MYO3B: variants seen among roughly 807,000 people sequenced by gnomAD.
MYO3B encodes the protein myosin-IIIb.
MYO3B carries 156 observed loss-of-function variants against 174.6 expected under a neutral mutation model. The observed-to-expected ratio is 0.89, with a 90% CI of 0.78 to 1.02. The LOEUF (loss-of-function observed/expected upper bound fraction) is 1.02. Ranked by LOEUF, MYO3B falls within the 50% of genes least tolerant of loss-of-function variation. The probability of loss-of-function intolerance (pLI) is 0.00; values close to 1 mark genes in which losing one functional copy is unlikely to be tolerated. For synonymous variants in MYO3B, 563 were observed against 569.1 expected (o/e 0.99, Z 0.15); for missense variants, 1,632 against 1,639.4 (o/e 1.00, Z 0.08).
intron 14 of MYO3B, among the ~76,000 whole-genome samples, chr2:170,388,524 A>G (rs1486456222): frequency 1.3e-5 from 2 of 152,130 alleles, no homozygotes; most frequent in Non-Finnish European, 2.9e-5. Flanking sequence ...GAACCAGGAT[A>G]AGGATCTCAA....
At chr2:170,460,487 C>CAAAAA (rs36000141) in intron 23 of MYO3B, among the ~76,000 whole-genome samples, 7,964 of 73,460 alleles carry the variant, frequency 0.11, 1,108 homozygotes, top group African/African-American at 0.18. Context: ...GACTCCGTCT[C>CAAAAA]AAAAAAAAAA....
rs1168552938 is a variant in MYO3B at position 170,641,872 on chromosome 2, GA to G, written c.3734-9755del. Among the ~76,000 whole-genome samples the G allele has an allele frequency of 9.5e-3, 501 of 52,724 alleles. 4 individuals are homozygous for G. Among genetic ancestry groups the G allele is most frequent in the African/African-American group, 0.033 (173 of 5,268 alleles). The allele number at this position is 52,724 out of a possible 152,430, so 34.6% of individuals were successfully genotyped here. On this transcript the variant is annotated intron_variant, in intron 32 of 34. Transcript: ENST00000408978. ...TTATTGTTAAGTGGGGGGGGGGGGG[GA>G]GGGGCGGGGAGCCATAACCCAAATT...
In MYO3B at chr2:170,573,143, C is replaced by A. The variant is rs550471899; in HGVS notation, c.3733+29155C>A. Among the ~76,000 whole-genome samples, 47 of 148,310 alleles carry A rather than the reference C, an allele frequency of 3.2e-4. 1 individual carries two copies. The highest frequency in any genetic ancestry group is 5.9e-4 in the Non-Finnish European group (40 of 67,680). On this transcript the variant is annotated intron_variant, in intron 32 of 34. Coordinates refer to ENST00000408978, the MANE Select transcript of MYO3B (RefSeq NM_138995.5). ...TGTTATTCTAGAAATTGGACTGCTT[C>A]TAGGGGATACTATATATATATATAC...
intron 28 of MYO3B, among the ~76,000 whole-genome samples, chr2:170,513,703 T>A (rs1688120144): frequency 6.6e-6 from 1 of 152,190 alleles, no homozygotes; most frequent in Admixed American, 6.5e-5. Flanking sequence ...TCTTACTTTC[T>A]GTATTCGAAT....
intron 28 of MYO3B, among the ~76,000 whole-genome samples, chr2:170,513,273 CA>C (rs1360871722): frequency 2.0e-5 from 3 of 152,196 alleles, no homozygotes; most frequent in African/African-American, 7.2e-5. Flanking sequence ...CTTATTCTGT[CA>C]CAGTTCTAGA....
At chr2:170,535,069 T>C (rs1689599681) in intron 30 of MYO3B, among the ~76,000 whole-genome samples, 1 of 152,212 alleles carries the variant, frequency 6.6e-6, no homozygotes, top group African/African-American at 2.4e-5. Flanking sequence ...ACTTTCCTCT[T>C]TGGCACTTAC....
chr2:170,650,011 G>A (rs1453052620), intron 32 of MYO3B: 1 of 139,430 alleles, frequency 7.2e-6, no homozygotes, highest in Non-Finnish European at 1.5e-5. Flanking sequence ...ATGGATGGAT[G>A]TGATAGTCTT....
At chr2:170,375,445 G>C (rs2094284628) in intron 9 of MYO3B, among the ~76,000 whole-genome samples, 1 of 151,764 alleles carries the variant, frequency 6.6e-6, no homozygotes, top group Non-Finnish European at 1.5e-5. Flanking sequence ...TGAAACCACA[G>C]ATGTTAAACC....
intron 22 of MYO3B, among the ~76,000 whole-genome samples, chr2:170,426,304 A>C (rs1170652457): frequency 6.7e-6 from 1 of 149,890 alleles, no homozygotes; most frequent in East Asian, 2.0e-4. Flanking sequence ...GTGCCACTGC[A>C]CTCTAGCCTG....
intron 25 of MYO3B, among the ~76,000 whole-genome samples, chr2:170,489,197 T>G (rs1686269435): frequency 6.6e-6 from 1 of 152,228 alleles, no homozygotes; most frequent in Non-Finnish European, 1.5e-5. Flanking sequence ...CTCTCTGGCT[T>G]TCTCCTCTGT....
At chr2:170,426,428 T>TG (rs1026264497) in intron 22 of MYO3B, among the ~76,000 whole-genome samples, 1 of 150,110 alleles carries the variant, frequency 6.7e-6, no homozygotes, top group African/African-American at 2.4e-5. Flanking sequence ...CTCTGCCTCC[T>TG]GGGTTCACGC....
Position 170,343,030 on chromosome 2 carries a change from AACACACACACACAC to A in MYO3B, c.815+7615_815+7628del, listed in dbSNP as rs56221872. On this transcript the variant is annotated intron_variant, in intron 8 of 34. Transcript: ENST00000408978. ...ACTTACTTCCACAGTTCGGGCCTCT[AACACACACACACAC>A]ACACACACACACACACACACACACA... 4.4e-3 allele frequency among the ~76,000 whole-genome samples: 603 copies of A among 136,010 alleles called. 7 individuals carry two copies. The highest frequency in any genetic ancestry group is 0.015 in the African/African-American group (549 of 35,804). The allele number at this position is 136,010 out of a possible 152,430, so 89.2% of individuals were successfully genotyped here.
At chr2:170,610,996 A>G (rs1695096575) in intron 32 of MYO3B, among the ~76,000 whole-genome samples, 2 of 152,232 alleles carry the variant, frequency 1.3e-5, no homozygotes, top group African/African-American at 2.4e-5. Context: ...TTGCAGATCC[A>G]TGAGACCAGA....
At chr2:170,597,018 T>C (rs148432619) in intron 32 of MYO3B, among the ~76,000 whole-genome samples, 1 of 152,228 alleles carries the variant, frequency 6.6e-6, no homozygotes, top group Non-Finnish European at 1.5e-5. Context: ...AGTGCCAGAA[T>C]TCTGAGCTGT....
intron 7 of MYO3B, among the ~76,000 whole-genome samples, chr2:170,324,759 C>T (rs1162313597): frequency 1.3e-5 from 2 of 152,252 alleles, no homozygotes; most frequent in African/African-American, 4.8e-5. Context: ...GCAGAGGGCA[C>T]TAGAAGGCCA....
chr2:170,651,804 C>A, intron 33 of MYO3B, 70 bp downstream of exon 33: 1 of 1,345,380 alleles, frequency 7.4e-7, no homozygotes, highest in Non-Finnish European at 1.1e-6. Flanking sequence ...TTATTACTAC[C>A]TGTTCCAGCC....
chr2:170,632,712 A>G lies in MYO3B; in HGVS notation c.3734-18916A>G, dbSNP rs189162089. ...ATCCAGGAGCTGGTTTTTTGAAAAG[A>G]TCAATAAGATTGATAGACTGCTAGC... On this transcript the variant is annotated intron_variant, in intron 32 of 34. Coordinates refer to ENST00000408978, the MANE Select transcript of MYO3B (RefSeq NM_138995.5). Among the ~76,000 whole-genome samples the G allele has an allele frequency of 2.3e-3, 347 of 152,344 alleles. 1 individual carries two copies. Among genetic ancestry groups the G allele is most frequent in the African/African-American group, 7.1e-3 (294 of 41,572 alleles).
At chr2:170,303,729 AT>A (rs1381491274) in intron 7 of MYO3B, among the ~76,000 whole-genome samples, 9 of 152,096 alleles carry the variant, frequency 5.9e-5, no homozygotes, top group Non-Finnish European at 1.2e-4. Context: ...ATTACAGTTC[AT>A]TTTATATTTG....
At chr2:170,389,452 A>G (rs1467484837) in intron 14 of MYO3B, among the ~76,000 whole-genome samples, 1 of 152,224 alleles carries the variant, frequency 6.6e-6, no homozygotes, top group Non-Finnish European at 1.5e-5. Context: ...CTGAGCAAGA[A>G]CTAAACCTTT....
Sources: gnomAD v4.1 joint callset for allele counts (sites outside exome capture counted in the v4.1 genomes callset) on GRCh38, gnomAD v4.1.1 for gene constraint, MANE v1.5 for transcripts, NCBI Gene and HGNC (gene_info 2026-07-23, HGNC 2026-07-21) for gene names.